SLC6A4: variants seen among roughly 807,000 people sequenced by gnomAD.
The protein encoded by SLC6A4 is solute carrier family 6 member 4, also known as sodium-dependent serotonin transporter.
In SLC6A4, 22 loss-of-function variants were observed where a neutral mutation model predicts 73.4. That is an observed-to-expected ratio of 0.30 (90% CI 0.21 to 0.43). The LOEUF is 0.43. Among genes scored for constraint, SLC6A4 ranks in the 20% least tolerant of loss-of-function variants. SLC6A4 has a pLI of 1.00. For synonymous variants in SLC6A4, 270 were observed against 315.5 expected, an observed-to-expected ratio of 0.86 and a Z score of 1.53; for missense variants, 593 against 808.5, an observed-to-expected ratio of 0.73 and a Z score of 3.23.
At chr17:30,217,807 T>C (rs1480571252) in intron 5 of SLC6A4, among the ~76,000 whole-genome samples, 1 of 152,210 alleles carries the variant, frequency 6.6e-6, no homozygotes, top group African/African-American at 2.4e-5. Flanking sequence ...TTCGCCTCCA[T>C]GACATTTGGC....
rs1192255974 is a variant in SLC6A4, at chr17:30,203,213, T to C, written c.1777A>G (p.Ile593Val). The C allele has an allele frequency of 3.7e-6, 6 of 1,613,876 alleles. No individual in the cohort carries two copies. The highest frequency in any genetic ancestry group is 3.3e-5 in the Admixed American group (2 of 59,996). The change falls in exon 14 of 15, where the codon ATA (isoleucine) becomes GTA (valine). Residue 593 changes from isoleucine (I) to valine (V), a missense_variant. By Grantham distance (29) the Ile-to-Val change is conservative. Transcript: ENST00000650711. ...TSSFICIPTY[I>V]AYRLIITPGT... ...GGAGTGATGATCAACCGATAAGCTATATATGTGGGGATGCAAATGAAAGAT... is the reference window on the plus strand; with the variant it reads ...GGAGTGATGATCAACCGATAAGCTACATATGTGGGGATGCAAATGAAAGAT...
chr17:30,228,884 G>T (rs1382704633), intron 1 of SLC6A4, among the ~76,000 whole-genome samples: 2 of 152,162 alleles, frequency 1.3e-5, no homozygotes, highest in Non-Finnish European at 2.9e-5. Context: ...ATGGCTACAC[G>T]TCCCTGAGTC....
At chr17:30,203,432 T>G in intron 13 of SLC6A4, 93 bp from the exon 14 acceptor site, 1 of 1,079,012 alleles carries the variant, frequency 9.3e-7, no homozygotes, top group Non-Finnish European at 1.4e-6. Flanking sequence ...ATGCTAAAGC[T>G]AAGATACTTT....
chr17:30,207,451 A>G (rs34388196), intron 13 of SLC6A4, among the ~76,000 whole-genome samples: 79,727 of 151,866 alleles, frequency 0.52, 21,740 homozygotes, highest in East Asian at 0.82. Flanking sequence ...GCAGTGGCGC[A>G]ATTTCAGCTC....
chr17:30,215,661 C>A lies in SLC6A4; in HGVS notation c.1026G>T (p.Gly342=), dbSNP rs1906549065. The A allele has an allele frequency of 6.2e-7, 1 of 1,613,986 alleles. No individual in the cohort carries two copies. Among genetic ancestry groups the A allele is most frequent in the East Asian group, 2.2e-5 (1 of 44,876 alleles). Residue 342 remains glycine (G), a synonymous_variant, in exon 8 of 15, where the codon GGG becomes GGT. Coordinates refer to ENST00000650711, the MANE Select transcript of SLC6A4 (RefSeq NM_001045.6). The part of the protein sequence containing the change: ...QIFFSLGPGF[G]VLLAFASYNK... ...TGTAGCTAGCAAAAGCCAGCAGGAC[C>A]CCAAAGCCCGGACCAAGAGAGAAGA... is the stretch of plus-strand genomic sequence containing the variant.
At chr17:30,230,122 A>AGAGGAGGAG (rs111715707) in intron 1 of SLC6A4, among the ~76,000 whole-genome samples, 21 of 123,654 alleles carry the variant, frequency 1.7e-4, no homozygotes, top group African/African-American at 6.2e-4. Flanking sequence ...AGGAAGAGGA[A>AGAGGAGGAG]GAGGAGGAGG....
intron 1 of SLC6A4, among the ~76,000 whole-genome samples, chr17:30,233,606 G>A (rs1464298672): frequency 6.6e-6 from 1 of 152,118 alleles, no homozygotes; most frequent in Non-Finnish European, 1.5e-5. Context: ...GAGGGGACTC[G>A]GACATCGTGT....
chr17:30,210,077 C>CA (rs79332361), intron 11 of SLC6A4, among the ~76,000 whole-genome samples: 2,509 of 121,894 alleles, frequency 0.021, 34 homozygotes, highest in African/African-American at 0.042. Context: ...CTTCAGCTAC[C>CA]AAAAAAAAAA....
Position 30,217,181 on chromosome 17 carries a change from G to T in SLC6A4, c.822C>A (p.Val274=). 1 of 1,613,960 alleles carries T rather than the reference G, an allele frequency of 6.2e-7. No homozygotes were observed. The highest frequency in any genetic ancestry group is 8.5e-7 in the Non-Finnish European group (1 of 1,179,908). Residue 274 remains valine, a synonymous_variant, in exon 6 of 15, where the codon GTC becomes GTA. Transcript: ENST00000650711. ...CCTTCCTCACCTTGCCAGAGGTCTT[G>T]ACGCCTTTCCAGATGCTGAAGTAGA... ...TVIYFSIWKG[V]KTSGKVVWVT...
intron 4 of SLC6A4, 70 bp from the exon 5 acceptor site, chr17:30,218,407 G>A (rs113532206): frequency 3.4e-5 from 43 of 1,251,166 alleles, no homozygotes; most frequent in African/African-American, 2.7e-4. Context: ...AGGCTGAAAC[G>A]GGGCACTGGA....
intron 3 of SLC6A4, among the ~76,000 whole-genome samples, chr17:30,220,260 C>T (rs1906704660): frequency 6.6e-6 from 1 of 152,150 alleles, no homozygotes; most frequent in Non-Finnish European, 1.5e-5. Context: ...AATCTGTTGT[C>T]AGAGTTCCCA....
intron 14 of SLC6A4, among the ~76,000 whole-genome samples, chr17:30,199,816 C>T (rs752703015): frequency 3.3e-4 from 50 of 152,238 alleles, no homozygotes; most frequent in Non-Finnish European, 5.4e-4. Context: ...TGCATTCCCA[C>T]AGACTAACAT....
At chr17:30,230,138 G>C (rs1284897424) in intron 1 of SLC6A4, among the ~76,000 whole-genome samples, 1 of 150,700 alleles carries the variant, frequency 6.6e-6, no homozygotes, top group East Asian at 1.9e-4. Flanking sequence ...GGAGGAGGAG[G>C]AGGAGGAGGA....
rs1905798971 is a variant in SLC6A4, at chr17:30,194,692, C to T, written c.*3764G>A. On this transcript the variant is annotated 3_prime_UTR_variant, in exon 15 of 15. Coordinates refer to ENST00000650711, the MANE Select transcript of SLC6A4 (RefSeq NM_001045.6). ...ATGCCATTTAAAAAATTAGTAAATGCTCATATTTGTTTATGATATTTAAGC... is the reference window on the plus strand; with the variant it reads ...ATGCCATTTAAAAAATTAGTAAATGTTCATATTTGTTTATGATATTTAAGC... 5.3e-5 allele frequency: 8 copies of T among 152,048 alleles called. No individual in the cohort carries two copies. In the South Asian group the frequency reaches 1.7e-3, roughly 31 times the overall value. The allele number at this position is 152,048 out of a possible 1,614,324, so 9.4% of individuals were successfully genotyped here. A position where few individuals can be genotyped will look rare whatever the true frequency, so the allele number is the denominator to read the frequency against.
At chr17:30,218,402 G>A (rs960538525) in intron 4 of SLC6A4, 65 bp from the exon 5 acceptor site, 8 of 1,291,814 alleles carry the variant, frequency 6.2e-6, no homozygotes, top group Non-Finnish European at 8.9e-6. Context: ...GCAAAAGGCT[G>A]AAACGGGGCA....
intron 12 of SLC6A4, among the ~76,000 whole-genome samples, 179 bp from the exon 13 acceptor site, chr17:30,208,011 G>C (rs1906261999): frequency 6.6e-6 from 1 of 152,152 alleles, no homozygotes; most frequent in Admixed American, 6.5e-5. Flanking sequence ...TTCTCTCTAG[G>C]AGGAGTACAG....
Position 30,209,221 on chromosome 17 carries a change from G to A in SLC6A4, c.1471C>T (p.Leu491=), listed in dbSNP as rs201038148. ...LTFGGAYVVK[L]LEEYATGPAV... ...GGCCCCGTGGCATACTCCTCCAGCA[G>A]CTTCACCACGTAGGCCCCTCCCTGG... Residue 491 remains leucine (L), a synonymous_variant, in exon 12 of 15, where the codon CTG becomes TTG. Coordinates refer to ENST00000650711, the MANE Select transcript of SLC6A4 (RefSeq NM_001045.6). The A allele has an allele frequency of 3.4e-5, 55 of 1,612,852 alleles. No homozygotes were observed. Among genetic ancestry groups the A allele is most frequent in the Non-Finnish European group, 4.3e-5 (51 of 1,179,298 alleles).
intron 8 of SLC6A4, among the ~76,000 whole-genome samples, chr17:30,214,053 G>A (rs1182294075): frequency 1.3e-5 from 2 of 152,152 alleles, no homozygotes; most frequent in African/African-American, 2.4e-5. Flanking sequence ...GGCCCAGTGG[G>A]TGATATTTAA....
In SLC6A4 at chr17:30,201,984, C is replaced by T. The variant is rs188084375; in HGVS notation, c.1818+1188G>A. Among the ~76,000 whole-genome samples, 148 of 152,068 alleles carry T rather than the reference C, an allele frequency of 9.7e-4. 1 individual carries two copies. In the Middle Eastern group the frequency reaches 0.01, roughly 11 times the overall value. On this transcript the variant is annotated intron_variant, in intron 14 of 14. Transcript: ENST00000650711. Reference sequence around the variant, plus strand: ...CCAGGCGCTTGTAGTCCCAGCTAGTCAGGAGGCTGAGGTGAAAGGATCACC... The same window carrying T: ...CCAGGCGCTTGTAGTCCCAGCTAGTTAGGAGGCTGAGGTGAAAGGATCACC...
Sources: allele counts gnomAD v4.1 joint callset (sites outside exome capture counted in the v4.1 genomes callset), GRCh38; gene constraint gnomAD v4.1.1; transcripts MANE v1.5; gene names NCBI Gene and HGNC (gene_info 2026-07-23, HGNC 2026-07-21).